CD200R1: variants seen among roughly 807,000 people sequenced by gnomAD.
CD200R1 encodes CD200 receptor 1.
In CD200R1, 30 loss-of-function variants were observed where a neutral mutation model predicts 38.1. The ratio of observed to expected loss-of-function variants is 0.79; its 90% confidence interval spans 0.59 to 1.07. The LOEUF (loss-of-function observed/expected upper bound fraction) is 1.07. CD200R1 is among the 50% of genes least tolerant of loss of function. The pLI, the probability that CD200R1 is intolerant of heterozygous loss-of-function variation, is 0.00. For synonymous variants in CD200R1, 128 were observed against 152.1 expected (o/e 0.84, Z 1.16); for missense variants, 372 against 415.4 (o/e 0.90, Z 0.91).
At chr3:112,969,817 C>G (rs1298532854) in intron 1 of CD200R1, among the ~76,000 whole-genome samples, 1 of 152,088 alleles carries the variant, frequency 6.6e-6, no homozygotes, top group Non-Finnish European at 1.5e-5. Flanking sequence ...TCCAAGAGAA[C>G]CTGCAACAGC....
Position 112,923,047 on chromosome 3 carries a change from A to G in CD200R1, c.*630T>C, listed in dbSNP as rs954946437. On this transcript the variant is annotated 3_prime_UTR_variant, in exon 8 of 8. Transcript: ENST00000308611. ...TTAAAAGAAATAAACAAAACTTAAA[A>G]GAATCTAAATATCCATCATTAGGGT... The G allele has an allele frequency of 6.6e-6, 1 of 151,950 alleles. No individual in the cohort carries two copies. The highest frequency in any genetic ancestry group is 1.5e-5 in the Non-Finnish European group (1 of 67,870). 9.4% of individuals were successfully genotyped at this position (151,950 alleles called of 1,614,324 possible). A position where few individuals can be genotyped will look rare whatever the true frequency, so the allele number is the denominator to read the frequency against.
intron 5 of CD200R1, among the ~76,000 whole-genome samples, chr3:112,925,674 G>T (rs779839907): frequency 2.6e-5 from 4 of 152,084 alleles, no homozygotes; most frequent in Non-Finnish European, 5.9e-5. Context: ...GGTGGGAGAG[G>T]TTGGACATGG....
rs1399202399 is a variant in CD200R1, at chr3:112,928,995, G to A, written c.590C>T (p.Pro197Leu). Residue 197 changes from proline (P) to leucine (L), a missense_variant, in exon 5 of 8, where the codon CCA (proline) becomes CTA (leucine). Transcript: ENST00000308611. The stretch of plus-strand genomic sequence containing the variant: ...TGGGATCCAGGAGATATGCGCAGCT[G>A]GCTTCCCTGCAACTGCCTTGCATAC... ...TAVCKAVAGKPAAHISWIPEG... is the reference protein window; with the variant it reads ...TAVCKAVAGKLAAHISWIPEG... 6.2e-7 allele frequency: 1 copy of A among 1,613,966 alleles called. No homozygotes were observed. The highest frequency in any genetic ancestry group is 8.5e-7 in the Non-Finnish European group (1 of 1,179,994).
chr3:112,945,983 AGAT>A (rs1339896234), intron 2 of CD200R1, among the ~76,000 whole-genome samples: 1 of 147,854 alleles, frequency 6.8e-6, no homozygotes, highest in African/African-American at 2.5e-5. Flanking sequence ...CAGTGAGCCA[AGAT>A]CGCGCCACTG....
chr3:112,967,618 G>C (rs1933201243), intron 1 of CD200R1, among the ~76,000 whole-genome samples: 1 of 152,224 alleles, frequency 6.6e-6, no homozygotes, highest in Non-Finnish European at 1.5e-5. Context: ...CACAGTGACT[G>C]ATACATGACA....
rs757660544 is a variant in CD200R1 at position 112,931,154 on chromosome 3, T to A, written c.154A>T (p.Met52Leu). Residue 52 changes from methionine to leucine, a missense_variant, in exon 3 of 8, where the codon ATG becomes TTG. Transcript: ENST00000308611. Reference sequence around the variant, plus strand: ...TTCTGTGTAATCTGTTTTTCATCCATACATAAACTGCTTGAAGCTAGAAAA... The same window carrying A: ...TTCTGTGTAATCTGTTTTTCATCCAAACATAAACTGCTTGAAGCTAGAAAA... ...NHALASSSLC[M>L]DEKQITQNYS... The A allele has an allele frequency of 1.9e-6, 3 of 1,605,408 alleles. No individual in the cohort carries two copies. Among genetic ancestry groups the A allele is most frequent in the Non-Finnish European group, 2.6e-6 (3 of 1,172,040 alleles).
chr3:112,935,971 C>T (rs773288414), intron 2 of CD200R1, among the ~76,000 whole-genome samples: 2 of 152,158 alleles, frequency 1.3e-5, no homozygotes, highest in Non-Finnish European at 2.9e-5. Flanking sequence ...CTCTGACAGG[C>T]TCCAGTGTGT....
At chr3:112,936,287 G>A (rs9877631) in intron 2 of CD200R1, among the ~76,000 whole-genome samples, 91,045 of 152,056 alleles carry the variant, frequency 0.6, 27,689 homozygotes, top group African/African-American at 0.71. Flanking sequence ...TCCTTAAAAT[G>A]GAATTATTTA....
At chr3:112,933,374 G>A (rs774052550) in intron 2 of CD200R1, among the ~76,000 whole-genome samples, 7 of 152,170 alleles carry the variant, frequency 4.6e-5, no homozygotes, top group Non-Finnish European at 8.8e-5. Flanking sequence ...AACCTGAAAA[G>A]CAGGCTGGCA....
rs1029857336 is a variant in CD200R1 at position 112,922,504 on chromosome 3, T to C, written c.*1173A>G. 7.2e-5 allele frequency: 11 copies of C among 151,938 alleles called. No individual in the cohort carries two copies. Among genetic ancestry groups the C allele is most frequent in the African/African-American group, 2.4e-4 (10 of 41,490 alleles). 9.4% of individuals were successfully genotyped at this position (151,938 alleles called of 1,614,324 possible). A position where few individuals can be genotyped will look rare whatever the true frequency, so the allele number is the denominator to read the frequency against. ...CATTTTTCGCCACTTATATGGTCAATAGACATTAATTATTCAATAAATATA... is the reference window on the plus strand; with the variant it reads ...CATTTTTCGCCACTTATATGGTCAACAGACATTAATTATTCAATAAATATA... On this transcript the variant is annotated 3_prime_UTR_variant, in exon 8 of 8. Transcript: ENST00000308611.
At position 112,929,389 on chromosome 3, in the gene CD200R1, G is replaced by A. The variant is rs1002053527; in HGVS notation, c.321C>T (p.Cys107=). 1 of 1,613,860 alleles carries A rather than the reference G, an allele frequency of 6.2e-7. No individual in the cohort carries two copies. Among genetic ancestry groups the A allele is most frequent in the Non-Finnish European group, 8.5e-7 (1 of 1,179,922 alleles). The change falls in exon 4 of 8, where the codon TGC becomes TGT. Residue 107 remains cysteine (C), a synonymous_variant. Transcript: ENST00000308611. The part of the protein sequence containing the change: ...WEIILRGQPS[C]TKAYKKETNE... ...TTGTTTCTTTCTTGTAGGCTTTTGT[G>A]CAGGAAGGCTGGCCTCTCAGGATTA... is the stretch of plus-strand genomic sequence containing the variant.
chr3:112,927,994 A>C (rs1940320555), intron 5 of CD200R1, among the ~76,000 whole-genome samples: 1 of 152,202 alleles, frequency 6.6e-6, no homozygotes, highest in Admixed American at 6.5e-5. Context: ...TAGGCTATTT[A>C]ATGAAAAATT....
chr3:112,929,743 TAAA>T (rs779710833), intron 3 of CD200R1, among the ~76,000 whole-genome samples: 1 of 152,078 alleles, frequency 6.6e-6, no homozygotes, highest in African/African-American at 2.4e-5. Context: ...TGATATATAA[TAAA>T]GTATTTTTTA....
chr3:112,972,189 T>G (rs1009627972), intron 1 of CD200R1, among the ~76,000 whole-genome samples: 7 of 152,180 alleles, frequency 4.6e-5, no homozygotes, highest in Admixed American at 6.5e-5. Context: ...TATTATAACA[T>G]GTAAATTCAC....
chr3:112,961,443 T>G (rs981673845), intron 1 of CD200R1, among the ~76,000 whole-genome samples: 3 of 152,082 alleles, frequency 2.0e-5, no homozygotes, highest in Non-Finnish European at 4.4e-5. Context: ...ATAAGTAATT[T>G]TGTTGTTTTT....
In CD200R1 at chr3:112,963,567, G is replaced by A. The variant is rs545638305; in HGVS notation, c.67+11224C>T. Reference sequence around the variant, plus strand: ...TGTGTGGAACTTTGAACTTGAGAGAGATGATTTAGGGTATCTGGTAGAAGA... The same window carrying A: ...TGTGTGGAACTTTGAACTTGAGAGAAATGATTTAGGGTATCTGGTAGAAGA... On this transcript the variant is annotated intron_variant, in intron 1 of 7. Transcript: ENST00000308611. Among the ~76,000 whole-genome samples, 12 of 152,326 alleles carry A rather than the reference G, an allele frequency of 7.9e-5. 1 individual carries two copies. In the Middle Eastern group the frequency reaches 0.01, roughly 130 times the overall value.
Position 112,924,725 on chromosome 3 carries a change from C to T in CD200R1, c.879-190G>A, listed in dbSNP as rs558171999. Reference sequence around the variant, plus strand: ...TTAATATCCCCAACTAAGAATATTCCGGATTTTGAAAAAGTGAAATTATGC... The same window carrying T: ...TTAATATCCCCAACTAAGAATATTCTGGATTTTGAAAAAGTGAAATTATGC... On this transcript the variant is annotated intron_variant, in intron 6 of 7. Coordinates refer to ENST00000308611, the MANE Select transcript of CD200R1 (RefSeq NM_138806.4). Among the ~76,000 whole-genome samples, 152 of 151,980 alleles carry T rather than the reference C, an allele frequency of 1.0e-3. No individual in the cohort carries two copies. The highest frequency in any genetic ancestry group is 1.8e-3 in the Non-Finnish European group (120 of 67,890).
intron 1 of CD200R1, among the ~76,000 whole-genome samples, chr3:112,960,975 C>T (rs527352300): frequency 1.9e-4 from 29 of 151,748 alleles, no homozygotes; most frequent in South Asian, 8.3e-4. Context: ...TTTCATGTTC[C>T]GACACTTTAT....
intron 1 of CD200R1, among the ~76,000 whole-genome samples, chr3:112,968,623 G>C (rs911066943): frequency 3.3e-5 from 5 of 152,174 alleles, no homozygotes; most frequent in Admixed American, 2.0e-4. Flanking sequence ...CTACTCTAAT[G>C]GAAAGCCCAC....
Sources: gnomAD v4.1 joint callset for allele counts (sites outside exome capture counted in the v4.1 genomes callset) on GRCh38, gnomAD v4.1.1 for gene constraint, MANE v1.5 for transcripts, NCBI Gene and HGNC (gene_info 2026-07-23, HGNC 2026-07-21) for gene names.